The following NUDT6 variants were observed in gnomAD, a reference collection of about 807,000 sequenced individuals.
NUDT6 encodes the protein FAD diphosphatase NUDT6.
In NUDT6, 24 loss-of-function variants were observed where a neutral mutation model predicts 36.8. That is an observed-to-expected ratio of 0.65 (90% CI 0.47 to 0.92). NUDT6 has a LOEUF of 0.92. NUDT6 is among the 40% of genes least tolerant of loss of function. NUDT6 has a pLI of 0.00. For synonymous variants in NUDT6, 163 were observed against 157.0 expected (o/e 1.04, Z -0.29); for missense variants, 388 against 392.8 (o/e 0.99, Z 0.10).
At chr4:122,915,483 A>ACC (rs1553952474) in intron 2 of NUDT6, among the ~76,000 whole-genome samples, 1 of 42,888 alleles carries the variant, frequency 2.3e-5, no homozygotes, top group Non-Finnish European at 1.2e-4. Context: ...AAAAAAAAAA[A>ACC]AAAAAAAAAA....
chr4:122,913,120 A>G (rs1279316574), intron 2 of NUDT6: 1 of 154,748 alleles, frequency 6.5e-6, no homozygotes, highest in Non-Finnish European at 1.4e-5. Context: ...CCATGAAGAC[A>G]CTAAGTGCCT....
At chr4:122,909,690 A>G (rs1036324758) in intron 3 of NUDT6, among the ~76,000 whole-genome samples, 1 of 152,226 alleles carries the variant, frequency 6.6e-6, no homozygotes, top group African/African-American at 2.4e-5. Context: ...ACAGGTTCTA[A>G]GAGCCACCAA....
At chr4:122,896,188 T>C (rs1274541924) in intron 4 of NUDT6, 2 of 152,618 alleles carry the variant, frequency 1.3e-5, no homozygotes, top group Non-Finnish European at 1.5e-5. Flanking sequence ...GCACTTTTTT[T>C]TTTTTTAAAG....
At chr4:122,910,970 T>C (rs1727721363) in intron 3 of NUDT6, among the ~76,000 whole-genome samples, 1 of 152,206 alleles carries the variant, frequency 6.6e-6, no homozygotes, top group African/African-American at 2.4e-5. Flanking sequence ...TAGAAGACAG[T>C]AAAACCCTTT....
At chr4:122,915,483 A>AC (rs1553952474) in intron 2 of NUDT6, among the ~76,000 whole-genome samples, 1,088 of 42,936 alleles carry the variant, frequency 0.025, 33 homozygotes, top group Admixed American at 0.032. Context: ...AAAAAAAAAA[A>AC]AAAAAAAAAA....
chr4:122,914,871 G>A (rs1051210433), intron 2 of NUDT6, among the ~76,000 whole-genome samples: 1 of 152,096 alleles, frequency 6.6e-6, no homozygotes, highest in African/African-American at 2.4e-5. Flanking sequence ...ATTATTGTGG[G>A]GGAGATTAAG....
chr4:122,910,729 A>G (rs1298900274), intron 3 of NUDT6, among the ~76,000 whole-genome samples: 2 of 152,212 alleles, frequency 1.3e-5, no homozygotes, highest in Non-Finnish European at 2.9e-5. Flanking sequence ...ATTAAGTATT[A>G]CAATATTTTG....
chr4:122,901,716 T>C (rs1727528079), intron 3 of NUDT6, among the ~76,000 whole-genome samples: 1 of 152,328 alleles, frequency 6.6e-6, no homozygotes, highest in Non-Finnish European at 1.5e-5. Flanking sequence ...AACTCGTTTA[T>C]TTGAGGGTTT....
intron 3 of NUDT6, among the ~76,000 whole-genome samples, chr4:122,900,028 G>T (rs1292846094): frequency 2.0e-5 from 3 of 150,420 alleles, no homozygotes; most frequent in African/African-American, 7.4e-5. Flanking sequence ...CACAGTTGTG[G>T]GTAATTAACA....
chr4:122,921,614 A>C (rs1377572290), intron 1 of NUDT6: 5 of 136,210 alleles, frequency 3.7e-5, no homozygotes, highest in South Asian at 2.5e-4. Context: ...AAAAAAAAAA[A>C]AAAACAAACT....
At chr4:122,912,903 C>A (rs1727758654) in intron 2 of NUDT6, among the ~76,000 whole-genome samples, 1 of 152,154 alleles carries the variant, frequency 6.6e-6, no homozygotes, top group Non-Finnish European at 1.5e-5. Context: ...ATACTCATAG[C>A]CTGAAGGCAA....
At chr4:122,908,527 T>C (rs58967715) in intron 3 of NUDT6, among the ~76,000 whole-genome samples, 24,333 of 152,142 alleles carry the variant, frequency 0.16, 2,457 homozygotes, top group East Asian at 0.45. Context: ...GCGAAATAAA[T>C]GTATACCATC....
chr4:122,918,285 T>C (rs866939100), intron 1 of NUDT6: 13 of 152,548 alleles, frequency 8.5e-5, no homozygotes, highest in African/African-American at 3.1e-4. Flanking sequence ...TTATAGATAA[T>C]ATCATGGTGA....
At chr4:122,912,723 ACTTGAAGC>A in intron 2 of NUDT6, 100 bp from the exon 3 acceptor site, 2 of 742,214 alleles carry the variant, frequency 2.7e-6, no homozygotes, top group Middle Eastern at 4.8e-4. Flanking sequence ...TTCTACCCAT[ACTTGAAGC>A]CTTGGTTCAA....
intron 1 of NUDT6, chr4:122,919,504 C>G (rs369920669): frequency 6.6e-6 from 1 of 152,208 alleles, no homozygotes; most frequent in Admixed American, 6.5e-5. Flanking sequence ...CGTGACCCAC[C>G]GCGCCTGGCC....
chr4:122,922,490 C>T lies in NUDT6; in HGVS notation c.83G>A (p.Trp28Ter). The T allele has an allele frequency of 6.2e-7, 1 of 1,611,098 alleles. No individual in the cohort carries two copies. Among genetic ancestry groups the T allele is most frequent in the Admixed American group, 1.7e-5 (1 of 59,988 alleles). ...CACGTAACCCTGTGCGCCCGAGGCC[C>T]AGCGGTAACCCGCCGAAGGCCCGGG... Reference protein sequence around the residue: ...YGPGPSAGYRWASGAQGYVRN... With the variant: ...YGPGPSAGYR Residue 28 changes from tryptophan (W) to a stop codon, truncating the protein, a stop_gained, in exon 1 of 5, where the codon TGG (tryptophan) becomes TAG (stop). Transcript: ENST00000304430. LOFTEE classifies it high-confidence loss of function.
intron 4 of NUDT6, chr4:122,895,087 T>C (rs562974963): frequency 5.9e-5 from 9 of 152,260 alleles, no homozygotes; most frequent in Non-Finnish European, 1.3e-4. Context: ...TGACTGAAAA[T>C]TGAATGGGCA....
intron 3 of NUDT6, among the ~76,000 whole-genome samples, chr4:122,903,928 C>A (rs1048311540): frequency 5.9e-5 from 9 of 152,216 alleles, no homozygotes; most frequent in African/African-American, 2.2e-4. Context: ...TAAACCAGCA[C>A]CAGCTGAAGA....
chr4:122,908,167 A>G (rs1727661853), intron 3 of NUDT6, among the ~76,000 whole-genome samples: 1 of 152,088 alleles, frequency 6.6e-6, no homozygotes, highest in African/African-American at 2.4e-5. Context: ...GACACACCGC[A>G]TTATACCCCT....
Sources: gnomAD v4.1 joint callset for allele counts (sites outside exome capture counted in the v4.1 genomes callset) on GRCh38, gnomAD v4.1.1 for gene constraint, MANE v1.5 for transcripts, NCBI Gene and HGNC (gene_info 2026-07-23, HGNC 2026-07-21) for gene names.